SLC39A12: variants seen among roughly 807,000 people sequenced by gnomAD.
The protein encoded by SLC39A12 is zinc transporter ZIP12.
A neutral mutation model predicts 71.1 loss-of-function variants in SLC39A12; 63 were observed. The observed-to-expected ratio is 0.89, with a 90% CI of 0.72 to 1.09. The LOEUF (loss-of-function observed/expected upper bound fraction) is 1.09, where lower values mean the gene tolerates loss of function less well. Among genes scored for constraint, SLC39A12 ranks in the 50% least tolerant of loss-of-function variants. SLC39A12 has a pLI of 0.00. For missense variants in SLC39A12, 892 were observed against 812.6 expected, an observed-to-expected ratio of 1.10 and a Z score of -1.19; for synonymous variants, 351 against 301.3, an observed-to-expected ratio of 1.16 and a Z score of -1.71.
chr10:18,003,593 TAGC>T (rs1164023403), intron 12 of SLC39A12, among the ~76,000 whole-genome samples: 2 of 152,204 alleles, frequency 1.3e-5, no homozygotes, highest in African/African-American at 4.8e-5. Flanking sequence ...AGGTGTGTGA[TAGC>T]AGTTGCATGT....
chr10:17,964,815 T>A (rs1249469007), intron 3 of SLC39A12, among the ~76,000 whole-genome samples: 1 of 152,174 alleles, frequency 6.6e-6, no homozygotes, highest in Non-Finnish European at 1.5e-5. Flanking sequence ...ATCATTCTCC[T>A]GCAGGTTGCA....
At chr10:18,036,683 C>G (rs1298325762) in intron 12 of SLC39A12, among the ~76,000 whole-genome samples, 1 of 147,244 alleles carries the variant, frequency 6.8e-6, no homozygotes, top group East Asian at 2.0e-4. Flanking sequence ...CCCGTGATAT[C>G]TTTTACAACA....
chr10:18,003,679 C>T (rs1349219909), intron 12 of SLC39A12, among the ~76,000 whole-genome samples: 1 of 152,180 alleles, frequency 6.6e-6, no homozygotes, highest in Non-Finnish European at 1.5e-5. Context: ...TAATCATCAG[C>T]TCATTCGATT....
intron 2 of SLC39A12, among the ~76,000 whole-genome samples, chr10:17,956,298 C>T (rs907659529): frequency 1.3e-5 from 2 of 152,072 alleles, no homozygotes; most frequent in African/African-American, 4.8e-5. Context: ...GACATGTGCT[C>T]CTCAGGGAGA....
Position 17,966,386 on chromosome 10 carries a change from C to A in SLC39A12, c.751+696C>A, listed in dbSNP as rs564606780. On this transcript the variant is annotated intron_variant, in intron 4 of 12. Coordinates refer to ENST00000377369, the MANE Select transcript of SLC39A12 (RefSeq NM_001145195.2). ...AGTGCAGTGGTGGGACCGTAATTCA[C>A]TGTAACCTCCAACTCTTGAGCCCAA... Among the ~76,000 whole-genome samples, 21 of 152,238 alleles carry A rather than the reference C, an allele frequency of 1.4e-4. No homozygotes were observed. In the East Asian group the frequency reaches 3.5e-3, roughly 25 times the overall value.
At chr10:18,023,327 G>C (rs765716466) in intron 12 of SLC39A12, among the ~76,000 whole-genome samples, 1 of 151,742 alleles carries the variant, frequency 6.6e-6, no homozygotes, top group Non-Finnish European at 1.5e-5. Context: ...GATGTCAGAG[G>C]GTTCATGGGT....
At chr10:18,032,128 G>A (rs1185463054) in intron 12 of SLC39A12, among the ~76,000 whole-genome samples, 8 of 120,458 alleles carry the variant, frequency 6.6e-5, no homozygotes, top group African/African-American at 1.9e-4. Flanking sequence ...ACTTGGCGAC[G>A]CGGGCTCTTT....
At chr10:17,963,849 TCCC>T (rs1834754829) in intron 3 of SLC39A12, among the ~76,000 whole-genome samples, 1 of 152,052 alleles carries the variant, frequency 6.6e-6, no homozygotes, top group Non-Finnish European at 1.5e-5. Flanking sequence ...CTCAACAAGA[TCCC>T]CAAGAGAATC....
At chr10:17,999,787 C>T (rs1835781617) in intron 10 of SLC39A12, among the ~76,000 whole-genome samples, 4 of 152,114 alleles carry the variant, frequency 2.6e-5, no homozygotes, top group Admixed American at 6.5e-5. Flanking sequence ...GGGCCAGAAA[C>T]GTTGGTCGTG....
At chr10:17,964,767 G>A (rs1180244971) in intron 3 of SLC39A12, among the ~76,000 whole-genome samples, 1 of 152,234 alleles carries the variant, frequency 6.6e-6, no homozygotes, top group Non-Finnish European at 1.5e-5. Flanking sequence ...AGGCAGCAGA[G>A]CCTGTGTGAA....
In SLC39A12 at chr10:17,961,666, T is replaced by C. The variant is rs1432625168; in HGVS notation, c.347T>C (p.Leu116Pro). The C allele has an allele frequency of 3.1e-6, 5 of 1,613,810 alleles. No individual in the cohort carries two copies. The East Asian group carries it at 8.9e-5, about 29-fold the overall frequency. Reference protein sequence around the residue: ...LREEVVQRVSLLLLYYIIHQE... With the variant: ...LREEVVQRVSPLLLYYIIHQE... The stretch of plus-strand genomic sequence containing the variant: ...GAAGAAGTGGTCCAGAGAGTTTCTC[T>C]TCTCCTTCTCTATTACATTATTCAT... Residue 116 changes from leucine to proline, a missense_variant, in exon 3 of 13, where the codon CTT (leucine) becomes CCT (proline). Physicochemically the swap from Leu to Pro is moderately conservative, Grantham distance 98 (BLOSUM62 -3). Coordinates refer to ENST00000377369, the MANE Select transcript of SLC39A12 (RefSeq NM_001145195.2).
chr10:17,983,277 G>C (rs1234001048), intron 6 of SLC39A12, among the ~76,000 whole-genome samples: 1 of 151,400 alleles, frequency 6.6e-6, no homozygotes, highest in East Asian at 1.9e-4. Context: ...GATTACTTGA[G>C]CCCGAGAGTT....
chr10:18,015,982 G>A lies in SLC39A12; in HGVS notation c.1947+12624G>A, dbSNP rs531569911. Among the ~76,000 whole-genome samples the A allele has an allele frequency of 7.2e-5, 11 of 152,042 alleles. 1 individual carries two copies. In the South Asian group the frequency reaches 8.3e-4, roughly 12 times the overall value. ...GTCCCCACACATGCACAACCACCCC[G>A]CTATTGACATCCTGCAACACAATGA... is the stretch of plus-strand genomic sequence containing the variant. On this transcript the variant is annotated intron_variant, in intron 12 of 12. Transcript: ENST00000377369.
At chr10:18,023,701 G>A (rs1836597137) in intron 12 of SLC39A12, among the ~76,000 whole-genome samples, 1 of 152,144 alleles carries the variant, frequency 6.6e-6, no homozygotes, top group Admixed American at 6.5e-5. Flanking sequence ...AAGTGATCAG[G>A]GTCTTTATTC....
At chr10:18,010,771 T>C (rs543523730) in intron 12 of SLC39A12, among the ~76,000 whole-genome samples, 1 of 152,226 alleles carries the variant, frequency 6.6e-6, no homozygotes, top group South Asian at 2.1e-4. Flanking sequence ...AGCAGTTATT[T>C]TAAAAATGCA....
rs865962492 is a variant in SLC39A12 at position 18,036,749 on chromosome 10, T to A, written c.1948-5956T>A. Reference sequence around the variant, plus strand: ...CTTGCAGTTAGCATTTTAAAAATTATATATATATATATATATATATATATA... The same window carrying A: ...CTTGCAGTTAGCATTTTAAAAATTAAATATATATATATATATATATATATA... On this transcript the variant is annotated intron_variant, in intron 12 of 12. Coordinates refer to ENST00000377369, the MANE Select transcript of SLC39A12 (RefSeq NM_001145195.2). Among the ~76,000 whole-genome samples, 126 of 5,694 alleles carry A rather than the reference T, an allele frequency of 0.022. 7 individuals carry two copies. In the South Asian group the frequency reaches 0.28, roughly 13 times the overall value. The allele number at this position is 5,694 out of a possible 152,430, so 3.7% of individuals were successfully genotyped here.
chr10:17,991,399 C>T, intron 8 of SLC39A12, 96 bp downstream of exon 8: 1 of 1,017,220 alleles, frequency 9.8e-7, no homozygotes, highest in Non-Finnish European at 1.4e-6. Flanking sequence ...ATGAAGTTGC[C>T]TGTGTAAGGG....
chr10:18,005,314 G>T, intron 12 of SLC39A12: 1 of 152,170 alleles, frequency 6.6e-6, no homozygotes, highest in Non-Finnish European at 1.5e-5. Flanking sequence ...TTCAACTTGA[G>T]AAATCTGTAT....
intron 12 of SLC39A12, among the ~76,000 whole-genome samples, chr10:18,030,916 C>T (rs1277020981): frequency 3.4e-4 from 50 of 149,222 alleles, no homozygotes; most frequent in African/African-American, 1.1e-3. Context: ...TTTGTTCTTG[C>T]GATAGTTTAC....
Sources: gnomAD v4.1 joint callset for allele counts (sites outside exome capture counted in the v4.1 genomes callset) on GRCh38, gnomAD v4.1.1 for gene constraint, MANE v1.5 for transcripts, NCBI Gene and HGNC (gene_info 2026-07-23, HGNC 2026-07-21) for gene names.